Variants in TANC2 observed in about 807,000 individuals in gnomAD.
TANC2 encodes protein TANC2.
TANC2 carries 26 observed loss-of-function variants against 210.5 expected under a neutral mutation model. That is an observed-to-expected ratio of 0.12 (90% CI 0.09 to 0.17). The LOEUF is 0.17. Ranked by LOEUF, TANC2 falls within the 10% of genes least tolerant of loss-of-function variation. TANC2 has a pLI of 1.00. For missense variants in TANC2, 2,129 were observed against 2,608.9 expected (o/e 0.82, Z 4.01); for synonymous variants, 931 against 967.1 (o/e 0.96, Z 0.69).
At chr17:63,298,121 C>T (rs1193098293) in intron 9 of TANC2, among the ~76,000 whole-genome samples, 1 of 152,142 alleles carries the variant, frequency 6.6e-6, no homozygotes, top group Admixed American at 6.6e-5. Flanking sequence ...TAAAATAGTA[C>T]AGCCACTGTG....
intron 1 of TANC2, among the ~76,000 whole-genome samples, chr17:62,994,348 A>ATT (rs373819801): frequency 0.034 from 4,613 of 137,106 alleles, 108 homozygotes; most frequent in African/African-American, 0.047. Context: ...CACCTGGCTC[A>ATT]TTTTTTTTTT....
intron 9 of TANC2, among the ~76,000 whole-genome samples, chr17:63,301,779 C>T (rs1460391542): frequency 2.0e-5 from 3 of 152,124 alleles, no homozygotes; most frequent in African/African-American, 4.8e-5. Flanking sequence ...CTATACTCTT[C>T]AGTTCTGCTC....
intron 11 of TANC2, among the ~76,000 whole-genome samples, chr17:63,337,887 G>T (rs1318540537): frequency 3.2e-4 from 48 of 152,108 alleles, no homozygotes. Context: ...TTCTGTTCTT[G>T]CATTAGTTTG....
chr17:62,980,808 ATTC>A (rs2032260506), intron 1 of TANC2, among the ~76,000 whole-genome samples: 1 of 152,126 alleles, frequency 6.6e-6, no homozygotes, highest in South Asian at 2.1e-4. Context: ...AAGAGTCTTA[ATTC>A]TTTCATCTCA....
At chr17:63,373,595 T>C (rs536616718) in intron 14 of TANC2, among the ~76,000 whole-genome samples, 1 of 152,342 alleles carries the variant, frequency 6.6e-6, no homozygotes, top group African/African-American at 2.4e-5. Context: ...CCCTCAATCT[T>C]GCTTAGTCTC....
At chr17:63,198,571 G>A (rs1159696361) in intron 6 of TANC2, among the ~76,000 whole-genome samples, 2 of 152,130 alleles carry the variant, frequency 1.3e-5, no homozygotes, top group Non-Finnish European at 2.9e-5. Flanking sequence ...CTACTCACAT[G>A]TGTCTCAGAC....
At chr17:63,325,074 G>A (rs1408129696) in intron 11 of TANC2, among the ~76,000 whole-genome samples, 7 of 128,600 alleles carry the variant, frequency 5.4e-5, no homozygotes, top group Non-Finnish European at 6.5e-5. Flanking sequence ...GTGGGGGGCG[G>A]GGGGCGGGCA....
intron 3 of TANC2, among the ~76,000 whole-genome samples, chr17:63,081,078 A>G (rs988192206): frequency 1.3e-5 from 2 of 152,170 alleles, no homozygotes; most frequent in Non-Finnish European, 2.9e-5. Flanking sequence ...TGGTTGGATA[A>G]TATTTGGAAG....
intron 3 of TANC2, among the ~76,000 whole-genome samples, chr17:63,082,533 A>T (rs1043250582): frequency 6.6e-5 from 10 of 152,182 alleles, no homozygotes; most frequent in African/African-American, 2.2e-4. Context: ...ATTTATTTTA[A>T]ATTTATAGTT....
intron 9 of TANC2, among the ~76,000 whole-genome samples, chr17:63,299,139 A>G (rs1024182304): frequency 2.0e-5 from 3 of 152,154 alleles, no homozygotes; most frequent in Non-Finnish European, 2.9e-5. Context: ...TCCATGTTGT[A>G]TATGTACCAC....
intron 5 of TANC2, among the ~76,000 whole-genome samples, chr17:63,157,795 G>T (rs992070548): frequency 6.6e-6 from 1 of 151,884 alleles, no homozygotes; most frequent in African/African-American, 2.4e-5. Context: ...TGCCACCCAG[G>T]CTGGAGTGCG....
intron 9 of TANC2, among the ~76,000 whole-genome samples, chr17:63,283,489 A>G (rs542159766): frequency 1.6e-4 from 24 of 151,764 alleles, no homozygotes; most frequent in Non-Finnish European, 2.8e-4. Context: ...AAAAACTGCT[A>G]GAGTTTTTAT....
At position 63,000,073 on chromosome 17, in the gene TANC2, C is replaced by G. The variant is rs1468648815; in HGVS notation, c.-23-9464C>G. Among the ~76,000 whole-genome samples the G allele has an allele frequency of 2.6e-5, 4 of 152,266 alleles. No individual in the cohort carries two copies. In the East Asian group the frequency reaches 7.7e-4, roughly 29 times the overall value. On this transcript the variant is annotated intron_variant, in intron 1 of 27. Coordinates refer to ENST00000689528, the Ensembl canonical transcript of TANC2. ...AGAAAGGAAGAACACACACCAGGGC[C>G]TACTTGAGGATGGAGGGGTGTGGAA...
chr17:63,001,508 C>A (rs1392898893), intron 1 of TANC2, among the ~76,000 whole-genome samples: 3 of 148,960 alleles, frequency 2.0e-5, no homozygotes, highest in Non-Finnish European at 4.5e-5. Context: ...ACCAGGTTTC[C>A]TTTTCGTTTT....
intron 14 of TANC2, among the ~76,000 whole-genome samples, chr17:63,374,287 C>G (rs1384400067): frequency 6.6e-6 from 1 of 152,124 alleles, no homozygotes; most frequent in Non-Finnish European, 1.5e-5. Context: ...ACCCTCCCAC[C>G]TTGGCCTCCC....
intron 12 of TANC2, among the ~76,000 whole-genome samples, chr17:63,344,932 A>G (rs1476211258): frequency 6.6e-6 from 1 of 152,182 alleles, no homozygotes; most frequent in East Asian, 1.9e-4. Context: ...ATGTATTGCC[A>G]TATATGAAAC....
intron 11 of TANC2, among the ~76,000 whole-genome samples, chr17:63,335,459 A>G (rs1229590074): frequency 6.6e-6 from 1 of 151,954 alleles, no homozygotes; most frequent in Non-Finnish European, 1.5e-5. Flanking sequence ...AAAAATACAG[A>G]AAAATTAGCC....
At chr17:63,075,376 C>T (rs1468431333) in intron 3 of TANC2, among the ~76,000 whole-genome samples, 2 of 152,066 alleles carry the variant, frequency 1.3e-5, no homozygotes, top group Non-Finnish European at 2.9e-5. Flanking sequence ...CTTCAAACAA[C>T]AAAACCAGGG....
At chr17:63,167,876 C>G (rs1474332033) in intron 5 of TANC2, among the ~76,000 whole-genome samples, 1 of 84,836 alleles carries the variant, frequency 1.2e-5, no homozygotes, top group African/African-American at 6.1e-5. Flanking sequence ...CAGAGTGAGA[C>G]TCTGTCTCAA....
Sources: gnomAD v4.1 joint callset for allele counts (sites outside exome capture counted in the v4.1 genomes callset) on GRCh38, gnomAD v4.1.1 for gene constraint, MANE v1.5 for transcripts, NCBI Gene and HGNC (gene_info 2026-07-23, HGNC 2026-07-21) for gene names.